ETV6: variants seen among roughly 807,000 people sequenced by gnomAD.
ETV6 encodes transcription factor ETV6.
Under a neutral mutation model 51.1 loss-of-function variants are expected in ETV6, and 16 were observed. The ratio of observed to expected loss-of-function variants is 0.31; its 90% CI spans 0.21 to 0.48. The LOEUF is 0.48. Among genes scored for constraint, ETV6 ranks in the 20% least tolerant of loss-of-function variants. The pLI, the probability that ETV6 is intolerant of heterozygous loss-of-function variation, is 0.99. For missense variants in ETV6, 458 were observed against 594.8 expected (o/e 0.77, Z 2.39); for synonymous variants, 240 against 224.1 (o/e 1.07, Z -0.64).
chr12:11,753,721 G>C (rs536751181), intron 2 of ETV6, among the ~76,000 whole-genome samples: 1 of 152,226 alleles, frequency 6.6e-6, no homozygotes, highest in Non-Finnish European at 1.5e-5. Context: ...GGGCTCCTGG[G>C]GGAACACTGC....
chr12:11,835,446 G>A (rs1946303740), intron 2 of ETV6, among the ~76,000 whole-genome samples: 1 of 152,192 alleles, frequency 6.6e-6, no homozygotes, highest in Non-Finnish European at 1.5e-5. Flanking sequence ...CGTAAATAAA[G>A]CAAGTTATGT....
chr12:11,713,327 T>C (rs1025009509), intron 1 of ETV6, among the ~76,000 whole-genome samples: 2 of 152,264 alleles, frequency 1.3e-5, no homozygotes, highest in Non-Finnish European at 2.9e-5. Context: ...TAGATTTAAA[T>C]CATTACTCAA....
At chr12:11,650,292 A>T in intron 1 of ETV6, 132 bp downstream of exon 1, 1 of 789,824 alleles carries the variant, frequency 1.3e-6, no homozygotes, top group Non-Finnish European at 2.2e-6. Flanking sequence ...GGCGAGAGGG[A>T]AAGAGATGCA....
At chr12:11,728,020 A>G (rs2120961528) in intron 1 of ETV6, among the ~76,000 whole-genome samples, 1 of 152,166 alleles carries the variant, frequency 6.6e-6, no homozygotes, top group South Asian at 2.1e-4. Context: ...GGGTTTCACC[A>G]TGTTGGCCAG....
intron 4 of ETV6, among the ~76,000 whole-genome samples, chr12:11,864,738 G>A (rs1445944648): frequency 6.7e-6 from 1 of 149,876 alleles, no homozygotes; most frequent in African/African-American, 2.5e-5. Context: ...TCCTTGCAAG[G>A]TTAATTAAGC....
chr12:11,846,912 G>A (rs1476122557), intron 3 of ETV6, among the ~76,000 whole-genome samples: 4 of 152,126 alleles, frequency 2.6e-5, no homozygotes, highest in African/African-American at 4.8e-5. Context: ...TCGCTCTGTC[G>A]CCCAGGCTGG....
intron 1 of ETV6, among the ~76,000 whole-genome samples, chr12:11,684,156 T>G (rs16907060): frequency 0.089 from 13,528 of 152,268 alleles, 658 homozygotes; most frequent in African/African-American, 0.14. Flanking sequence ...TTACTTAAGA[T>G]GAATGTAAAC....
intron 1 of ETV6, among the ~76,000 whole-genome samples, chr12:11,708,949 C>T (rs1012287618): frequency 2.0e-5 from 3 of 152,134 alleles, no homozygotes; most frequent in African/African-American, 7.2e-5. Flanking sequence ...GAAAAGTTAC[C>T]TAGCAATATC....
intron 1 of ETV6, among the ~76,000 whole-genome samples, chr12:11,660,867 AC>A (rs1424321562): frequency 6.6e-6 from 1 of 152,096 alleles, no homozygotes; most frequent in Non-Finnish European, 1.5e-5. Flanking sequence ...CAGACCAGGC[AC>A]CCAAAGGGAC....
At chr12:11,861,573 C>A (rs756201979) in intron 4 of ETV6, among the ~76,000 whole-genome samples, 2 of 152,174 alleles carry the variant, frequency 1.3e-5, no homozygotes, top group Non-Finnish European at 2.9e-5. Context: ...CTAGGGCTAG[C>A]GTGCTCTCTT....
chr12:11,868,541 G>A (rs1391915619), intron 4 of ETV6, among the ~76,000 whole-genome samples: 1 of 150,584 alleles, frequency 6.6e-6, no homozygotes, highest in African/African-American at 2.4e-5. Flanking sequence ...GGGTTCAAGC[G>A]ATTCTCATGT....
chr12:11,812,714 G>A (rs1945932444), intron 2 of ETV6, among the ~76,000 whole-genome samples: 1 of 152,154 alleles, frequency 6.6e-6, no homozygotes, highest in African/African-American at 2.4e-5. Flanking sequence ...TCCTAGGACT[G>A]TAACAAAAGG....
intron 2 of ETV6, among the ~76,000 whole-genome samples, chr12:11,772,823 G>A (rs1945261906): frequency 6.6e-6 from 1 of 152,018 alleles, no homozygotes; most frequent in African/African-American, 2.4e-5. Context: ...TCATGATGTT[G>A]GAAGATCTTT....
chr12:11,886,553 A>C (rs924020018), intron 7 of ETV6, among the ~76,000 whole-genome samples: 3 of 152,158 alleles, frequency 2.0e-5, no homozygotes, highest in African/African-American at 7.2e-5. Context: ...CAGTTGATTC[A>C]TGAAAATGTT....
intron 7 of ETV6, among the ~76,000 whole-genome samples, chr12:11,889,988 G>A (rs1356462108): frequency 2.6e-5 from 4 of 152,168 alleles, no homozygotes; most frequent in Non-Finnish European, 5.9e-5. Context: ...GTCAAAACAT[G>A]TCACTGATGT....
At chr12:11,760,022 G>A (rs374946726) in intron 2 of ETV6, among the ~76,000 whole-genome samples, 2 of 152,206 alleles carry the variant, frequency 1.3e-5, no homozygotes, top group African/African-American at 4.8e-5. Context: ...TGCTTTTGCT[G>A]TTGCCATGGG....
At chr12:11,828,400 T>C (rs375908135) in intron 2 of ETV6, among the ~76,000 whole-genome samples, 267 of 152,344 alleles carry the variant, frequency 1.8e-3, no homozygotes, top group Middle Eastern at 6.8e-3. Flanking sequence ...AACATTTCAT[T>C]GTACCCCCAC....
chr12:11,822,514 G>T (rs1668026493), intron 2 of ETV6, among the ~76,000 whole-genome samples: 1 of 152,140 alleles, frequency 6.6e-6, no homozygotes, highest in African/African-American at 2.4e-5. Flanking sequence ...CAGGTCTGTA[G>T]GGGAAATTTT....
chr12:11,674,717 T>C (rs1864383758), intron 1 of ETV6, among the ~76,000 whole-genome samples: 1 of 150,424 alleles, frequency 6.6e-6, no homozygotes, highest in South Asian at 2.1e-4. Flanking sequence ...GCCAGCTGCT[T>C]CCGCTGTTTT....
Sources: gnomAD v4.1 joint callset for allele counts (sites outside exome capture counted in the v4.1 genomes callset) on GRCh38, gnomAD v4.1.1 for gene constraint, MANE v1.5 for transcripts, NCBI Gene and HGNC (gene_info 2026-07-23, HGNC 2026-07-21) for gene names.